CFAP99: variants seen among roughly 807,000 people sequenced by gnomAD.
CFAP99 encodes cilia and flagella associated protein 99.
In CFAP99, 84 loss-of-function variants were observed where a neutral mutation model predicts 82.7. The observed-to-expected ratio is 1.02, with a 90% CI of 0.85 to 1.22. The LOEUF (loss-of-function observed/expected upper bound fraction) is 1.22. CFAP99 is among the 50% of genes most tolerant of loss of function. The probability of loss-of-function intolerance (pLI) is 0.00; values close to 1 mark genes in which losing one functional copy is unlikely to be tolerated. For missense variants in CFAP99, 1,059 were observed against 983.5 expected (o/e 1.08, Z -1.03); for synonymous variants, 456 against 429.5 (o/e 1.06, Z -0.76).
At chr4:2,438,821 A>G (rs1733976488) in intron 4 of CFAP99, among the ~76,000 whole-genome samples, 1 of 152,144 alleles carries the variant, frequency 6.6e-6, no homozygotes, top group African/African-American at 2.4e-5. Context: ...CACACCAACT[A>G]GTGTGGGTGA....
At chr4:2,445,451 C>A in intron 6 of CFAP99, 143 bp downstream of exon 6, 2 of 709,256 alleles carry the variant, frequency 2.8e-6, no homozygotes, top group Non-Finnish European at 3.9e-6. Context: ...CACTAAATGA[C>A]CCCACCCCAC....
At chr4:2,443,532 G>A (rs1299146344) in intron 5 of CFAP99, among the ~76,000 whole-genome samples, 1 of 152,226 alleles carries the variant, frequency 6.6e-6, no homozygotes, top group Non-Finnish European at 1.5e-5. Context: ...TTTCAGGACT[G>A]GCTGAGTGAA....
intron 11 of CFAP99, among the ~76,000 whole-genome samples, chr4:2,458,377 C>G (rs1734485365): frequency 6.6e-6 from 1 of 152,188 alleles, no homozygotes; most frequent in Non-Finnish European, 1.5e-5. Context: ...CCCGGGCCCC[C>G]TACCCTGGTT....
chr4:2,454,592 T>TGG (rs1416829885), intron 11 of CFAP99, among the ~76,000 whole-genome samples: 2 of 142,632 alleles, frequency 1.4e-5, no homozygotes, highest in Non-Finnish European at 3.1e-5. Context: ...TTTTTTTTTT[T>TGG]TGTTTTTTTT....
chr4:2,450,870 G>A lies in CFAP99; in HGVS notation c.796-77G>A, dbSNP rs145816059. 1,061 of 1,270,444 alleles carry A rather than the reference G, an allele frequency of 8.4e-4. 7 individuals are homozygous for A. The East Asian group carries it at 0.022, about 26-fold the overall frequency. 78.7% of individuals were successfully genotyped at this position (1,270,444 alleles called of 1,614,324 possible). A position where few individuals can be genotyped will look rare whatever the true frequency, so the allele number is the denominator to read the frequency against. ...CAGGCCTCCCCAGGGTGCTGGGCCA[G>A]CATCCACCTGGTATGTGTTTGGGGG... On this transcript the variant is annotated intron_variant, in intron 8 of 14. Coordinates refer to ENST00000635017, the Ensembl canonical transcript of CFAP99.
At chr4:2,430,918 T>C (rs1733786807) in intron 2 of CFAP99, among the ~76,000 whole-genome samples, 1 of 151,270 alleles carries the variant, frequency 6.6e-6, no homozygotes, top group Non-Finnish European at 1.5e-5. Context: ...ATAAAAAATG[T>C]AAAAATTAGC....
chr4:2,437,942 C>G (rs376761732), intron 3 of CFAP99, 128 bp from the exon 4 acceptor site: 1 of 593,888 alleles, frequency 1.7e-6, no homozygotes, highest in Non-Finnish European at 3.0e-6. Context: ...TTCAGGTGGG[C>G]ACCAATAGGG....
exon 6 of CFAP99, chr4:2,445,281 A>G: frequency 2.9e-6 from 4 of 1,381,344 alleles, no homozygotes; most frequent in Non-Finnish European, 2.8e-6. Flanking sequence ...CGCCCGAACC[A>G]GTCCCGGTCG....
In CFAP99 at chr4:2,438,388, G is replaced by A. The variant is rs772733135; in HGVS notation, c.351+224G>A. Among the ~76,000 whole-genome samples, 40 of 152,088 alleles carry A rather than the reference G, an allele frequency of 2.6e-4. 1 individual carries two copies. The highest frequency in any genetic ancestry group is 5.8e-4 in the African/African-American group (24 of 41,456). ...TACCATTCTCCTGCCTCAGCCTCCC[G>A]AGTAGCTGGGACTACAGGCGCCCGC... On this transcript the variant is annotated intron_variant, in intron 4 of 14. Coordinates refer to ENST00000635017, the Ensembl canonical transcript of CFAP99.
At chr4:2,442,639 G>A (rs779567719) in intron 4 of CFAP99, among the ~76,000 whole-genome samples, 46 of 152,068 alleles carry the variant, frequency 3.0e-4, no homozygotes, top group South Asian at 1.3e-3. Flanking sequence ...ATGGAGCCCC[G>A]GACCCTCGGC....
intron 2 of CFAP99, among the ~76,000 whole-genome samples, chr4:2,433,316 G>A (rs1733837605): frequency 6.6e-6 from 1 of 152,124 alleles, no homozygotes; most frequent in Admixed American, 6.5e-5. Context: ...GAGGTTGTCA[G>A]CATAGTCCCG....
chr4:2,458,346 G>T (rs1369296968), intron 11 of CFAP99, among the ~76,000 whole-genome samples: 1 of 152,068 alleles, frequency 6.6e-6, no homozygotes, highest in Non-Finnish European at 1.5e-5. Flanking sequence ...TATAGAACAG[G>T]GTATTCCACG....
chr4:2,430,734 C>T (rs1578465859), intron 2 of CFAP99, among the ~76,000 whole-genome samples: 1 of 151,864 alleles, frequency 6.6e-6, no homozygotes, highest in Non-Finnish European at 1.5e-5. Context: ...CCTAGGAGTT[C>T]GTGTCCAGCT....
intron 6 of CFAP99, among the ~76,000 whole-genome samples, chr4:2,445,591 G>A (rs1254623740): frequency 1.3e-5 from 2 of 152,160 alleles, no homozygotes; most frequent in East Asian, 1.9e-4. Flanking sequence ...CCGACCTGTC[G>A]GGAGTTGGAG....
chr4:2,459,604 T>C lies in CFAP99; in HGVS notation c.1455+346T>C, dbSNP rs546892422. 1.1e-4 allele frequency among the ~76,000 whole-genome samples: 17 copies of C among 152,068 alleles called. No individual in the cohort carries two copies. In the South Asian group the frequency reaches 1.2e-3, roughly 11 times the overall value. On this transcript the variant is annotated intron_variant, in intron 13 of 14. Coordinates refer to ENST00000635017, the Ensembl canonical transcript of CFAP99. ...AGCGCAGGTGTTTTCAAAGGCTGGA[T>C]GGAGGCTGCATGGAGCAGGAGGTTG...
chr4:2,435,856 G>A (rs1311569681), intron 2 of CFAP99, among the ~76,000 whole-genome samples: 2 of 149,030 alleles, frequency 1.3e-5, no homozygotes, highest in Non-Finnish European at 3.0e-5. Context: ...GGAGGCCGAG[G>A]TGGGAAGCAG....
intron 2 of CFAP99, among the ~76,000 whole-genome samples, chr4:2,429,741 G>A (rs375374910): frequency 4.6e-5 from 7 of 152,064 alleles, no homozygotes; most frequent in African/African-American, 1.2e-4. Flanking sequence ...ACAGGCGCCC[G>A]CCACCACGCC....
rs561511059 is a variant in CFAP99 at position 2,436,856 on chromosome 4, C to T, written c.112-18C>T. ...TCCCGGCCCAGCCAGGGCCCCCCAC[C>T]GGCTGTCTCTCTTCCAGGCTCTGAG... On this transcript the variant is annotated intron_variant, in intron 2 of 14. Transcript: ENST00000635017. The T allele has an allele frequency of 7.8e-6, 12 of 1,535,406 alleles. No homozygotes were observed. The highest frequency in any genetic ancestry group is 2.7e-5 in the African/African-American group (2 of 73,154).
At chr4:2,451,220 G>C (rs1243509367) in intron 9 of CFAP99, 44 bp from the exon 10 acceptor site, 1 of 1,531,006 alleles carries the variant, frequency 6.5e-7, no homozygotes, top group African/African-American at 1.4e-5. Flanking sequence ...CTGCTCCCAA[G>C]GGTCTCCTCA....
Sources: gnomAD v4.1 joint callset for allele counts (sites outside exome capture counted in the v4.1 genomes callset) on GRCh38, gnomAD v4.1.1 for gene constraint, MANE v1.5 for transcripts, NCBI Gene and HGNC (gene_info 2026-07-23, HGNC 2026-07-21) for gene names.